Variants in UVRAG observed in about 807,000 individuals in gnomAD.
The protein encoded by UVRAG is UV radiation resistance associated, also known as UV radiation resistance-associated gene protein.
Under a neutral mutation model 78.0 loss-of-function variants are expected in UVRAG, and 19 were observed. That is an observed-to-expected ratio of 0.24 (90% CI 0.17 to 0.36). UVRAG has a LOEUF of 0.36. Ranked by LOEUF, UVRAG falls within the 10% of genes least tolerant of loss-of-function variation. The probability of loss-of-function intolerance (pLI) is 1.00; values close to 1 mark genes in which losing one functional copy is unlikely to be tolerated. For missense variants in UVRAG, 740 were observed against 853.8 expected (o/e 0.87, Z 1.66); for synonymous variants, 323 against 324.6 (o/e 1.00, Z 0.05).
chr11:75,860,452 A>G (rs1946393591), intron 2 of UVRAG, among the ~76,000 whole-genome samples: 1 of 152,248 alleles, frequency 6.6e-6, no homozygotes, highest in Non-Finnish European at 1.5e-5. Flanking sequence ...GAATATATAC[A>G]GTATTATGTA....
chr11:76,084,426 CAA>C (rs1951548493), intron 13 of UVRAG, among the ~76,000 whole-genome samples: 1 of 152,152 alleles, frequency 6.6e-6, no homozygotes, highest in Non-Finnish European at 1.5e-5. Context: ...ATGTGAAAAG[CAA>C]AGACATTTAT....
intron 13 of UVRAG, among the ~76,000 whole-genome samples, chr11:76,098,858 A>G (rs1951830690): frequency 6.6e-6 from 1 of 152,192 alleles, no homozygotes; most frequent in African/African-American, 2.4e-5. Context: ...ATTCATTTTC[A>G]AAGCACCTTA....
intron 1 of UVRAG, among the ~76,000 whole-genome samples, chr11:75,816,852 A>G (rs756134800): frequency 1.3e-5 from 2 of 152,194 alleles, no homozygotes; most frequent in Admixed American, 6.5e-5. Flanking sequence ...ATTTGAGTGC[A>G]GTAAAGGAGG....
At chr11:76,127,644 A>G (rs1469025908) in intron 14 of UVRAG, among the ~76,000 whole-genome samples, 4 of 151,226 alleles carry the variant, frequency 2.6e-5, no homozygotes, top group Non-Finnish European at 5.9e-5. Flanking sequence ...CAAAAAAAAA[A>G]AAAAAAATGA....
chr11:75,976,566 C>T (rs1011569930), intron 7 of UVRAG, among the ~76,000 whole-genome samples: 2 of 152,018 alleles, frequency 1.3e-5, no homozygotes, highest in Non-Finnish European at 2.9e-5. Flanking sequence ...CTCTATTCAG[C>T]GATTCAGCTT....
chr11:75,828,337 G>A (rs529718850), intron 1 of UVRAG, among the ~76,000 whole-genome samples: 10 of 151,604 alleles, frequency 6.6e-5, no homozygotes, highest in African/African-American at 1.2e-4. Context: ...ATTGGGTGCC[G>A]TGCTATGCAC....
At chr11:75,920,008 G>GTTTTTTGTTTTTTTTTTTT (rs1947941022) in intron 6 of UVRAG, among the ~76,000 whole-genome samples, 6 of 55,462 alleles carry the variant, frequency 1.1e-4, no homozygotes, top group Admixed American at 3.6e-4. Flanking sequence ...AATAATTTTG[G>GTTTTTTGTTTTTTTTTTTT]TTTTTTTTTT....
chr11:76,001,514 A>T (rs578045203), intron 8 of UVRAG, among the ~76,000 whole-genome samples: 45 of 152,352 alleles, frequency 3.0e-4, no homozygotes, highest in Non-Finnish European at 5.9e-4. Context: ...ACCAAAAGGT[A>T]GTTCCTTGAA....
intron 6 of UVRAG, among the ~76,000 whole-genome samples, chr11:75,936,410 G>T (rs1466168867): frequency 6.6e-6 from 1 of 152,200 alleles, no homozygotes; most frequent in African/African-American, 2.4e-5. Flanking sequence ...GGTTAATTCA[G>T]TTCTCCTACA....
chr11:75,922,818 C>G (rs1026375853), intron 6 of UVRAG, among the ~76,000 whole-genome samples: 1 of 151,464 alleles, frequency 6.6e-6, no homozygotes, highest in Non-Finnish European at 1.5e-5. Context: ...CGTGGTGGCA[C>G]GCACCTGTAA....
At chr11:76,103,810 A>T (rs1717625) in intron 13 of UVRAG, among the ~76,000 whole-genome samples, 1 of 152,306 alleles carries the variant, frequency 6.6e-6, no homozygotes, top group African/African-American at 2.4e-5. Context: ...TCTGAGACAC[A>T]AAGAATGATT....
intron 3 of UVRAG, among the ~76,000 whole-genome samples, chr11:75,862,773 G>A (rs758783937): frequency 1.1e-3 from 167 of 152,202 alleles, no homozygotes; most frequent in Non-Finnish European, 1.7e-3. Context: ...GGAAACTCTT[G>A]CTTGCTTACT....
At chr11:75,986,474 C>T (rs1164406369) in intron 8 of UVRAG, among the ~76,000 whole-genome samples, 1 of 152,052 alleles carries the variant, frequency 6.6e-6, no homozygotes, top group Non-Finnish European at 1.5e-5. Flanking sequence ...TACAGCCCTG[C>T]AGCTGCAGTC....
At chr11:75,881,895 A>G (rs765520141) in intron 4 of UVRAG, among the ~76,000 whole-genome samples, 7 of 152,224 alleles carry the variant, frequency 4.6e-5, no homozygotes, top group Non-Finnish European at 1.0e-4. Flanking sequence ...GAGCCTCAGA[A>G]ACTTTAGGAA....
chr11:75,815,985 A>G (rs1275079383), intron 1 of UVRAG, among the ~76,000 whole-genome samples: 2 of 152,226 alleles, frequency 1.3e-5, no homozygotes, highest in African/African-American at 4.8e-5. Context: ...TCTTCGTGCA[A>G]GAGCCCTGGA....
At position 75,911,601 on chromosome 11, in the gene UVRAG, A is replaced by G. The variant is rs2135028315; in HGVS notation, c.508-353A>G. The G allele has an allele frequency of 1.6e-5, 3 of 188,128 alleles. No homozygotes were observed. The South Asian group carries it at 3.5e-4, about 22-fold the overall frequency. 11.7% of individuals were successfully genotyped at this position (188,128 alleles called of 1,614,324 possible). On this transcript the variant is annotated intron_variant, in intron 5 of 14. Coordinates refer to ENST00000356136, the MANE Select transcript of UVRAG (RefSeq NM_003369.4). ...GTGGCAGCGTTGGGCGACATGTCCA[A>G]ATCTGCTCTGCCCCCTCGGGGTCTG...
intron 8 of UVRAG, among the ~76,000 whole-genome samples, chr11:75,986,403 T>C (rs2135285087): frequency 6.6e-6 from 1 of 152,292 alleles, no homozygotes; most frequent in African/African-American, 2.4e-5. Context: ...GTATTTATTA[T>C]GTTTAAAGAA....
At chr11:75,938,044 C>A (rs538533351) in intron 6 of UVRAG, among the ~76,000 whole-genome samples, 1 of 151,892 alleles carries the variant, frequency 6.6e-6, no homozygotes, top group Non-Finnish European at 1.5e-5. Flanking sequence ...GTTCATCCAT[C>A]CTTTAAAAAT....
intron 12 of UVRAG, among the ~76,000 whole-genome samples, chr11:76,025,086 G>A (rs1484302720): frequency 2.0e-5 from 3 of 152,128 alleles, no homozygotes; most frequent in Admixed American, 1.3e-4. Flanking sequence ...TGGCCAGTTT[G>A]AAACACAGGC....
Sources: allele counts gnomAD v4.1 joint callset (sites outside exome capture counted in the v4.1 genomes callset), GRCh38; gene constraint gnomAD v4.1.1; transcripts MANE v1.5; gene names NCBI Gene and HGNC (gene_info 2026-07-23, HGNC 2026-07-21).